The following ABCF2 variants were observed in gnomAD, a reference collection of about 807,000 sequenced individuals.
ABCF2 encodes ATP binding cassette subfamily F member 2.
A neutral mutation model predicts 76.9 loss-of-function variants in ABCF2; 37 were observed. The ratio of observed to expected loss-of-function variants is 0.48; its 90% CI spans 0.37 to 0.63. The LOEUF (loss-of-function observed/expected upper bound fraction) is 0.63. Among genes scored for constraint, ABCF2 ranks in the 30% least tolerant of loss-of-function variants. The probability of loss-of-function intolerance (pLI) is 0.00; values close to 1 mark genes in which losing one functional copy is unlikely to be tolerated. For synonymous variants in ABCF2, 299 were observed against 283.7 expected (o/e 1.05, Z -0.54); for missense variants, 524 against 782.1 (o/e 0.67, Z 3.94).
At position 151,223,776 on chromosome 7, in the gene ABCF2, G is replaced by A; in HGVS notation, c.624C>T (p.Ala208=). ...ELDADKAEMR[A]SRILHGLGFT... is the part of the protein sequence containing the mutation. ...AACCCAGTCCATGCAAGATCCGCGA[G>A]GCCCTCATCTCTGCCTTGTCGGCAT... The change falls in exon 5 of 15, where the codon GCC becomes GCT. Residue 208 remains alanine, a synonymous_variant. Coordinates refer to ENST00000287844, the MANE Select transcript of ABCF2 (RefSeq NM_007189.3). 1.2e-6 allele frequency: 2 copies of A among 1,613,966 alleles called. No individual in the cohort carries two copies. The highest frequency in any genetic ancestry group is 2.2e-5 in the East Asian group (1 of 44,868).
chr7:151,215,503 G>T lies in ABCF2; in HGVS notation c.1530+101C>A. Reference sequence around the variant, plus strand: ...AGTCAAATGGAGGAGACTCTGGTTTGGACAGCTTCCAAACCCAGGCTGCCA... The same window carrying T: ...AGTCAAATGGAGGAGACTCTGGTTTTGACAGCTTCCAAACCCAGGCTGCCA... On this transcript the variant is annotated intron_variant, in intron 13 of 14. Transcript: ENST00000287844. This position sits in a 1 kb window ranked among gnomAD's most constrained non-coding sequence, Gnocchi z 4.6. 2 of 1,458,974 alleles carry T rather than the reference G, an allele frequency of 1.4e-6. No individual in the cohort carries two copies. Among genetic ancestry groups the T allele is most frequent in the Non-Finnish European group, 1.9e-6 (2 of 1,065,368 alleles). 90.4% of individuals were successfully genotyped at this position (1,458,974 alleles called of 1,614,324 possible).
intron 7 of ABCF2, among the ~76,000 whole-genome samples, chr7:151,220,703 G>C (rs1043912874): frequency 5.3e-5 from 8 of 151,988 alleles, no homozygotes; most frequent in African/African-American, 1.9e-4. Flanking sequence ...GAAGGCAGAG[G>C]GAGGCCTCGT....
chr7:151,218,251 G>A, intron 10 of ABCF2, 60 bp from the exon 11 acceptor site: 1 of 1,206,272 alleles, frequency 8.3e-7, no homozygotes, highest in South Asian at 1.3e-5. Context: ...GCTATGACCA[G>A]CAGACCAAGC....
chr7:151,213,459 C>T lies in ABCF2; in HGVS notation c.*595G>A. The T allele has an allele frequency of 2.0e-6, 2 of 985,590 alleles. No homozygotes were observed. The highest frequency in any genetic ancestry group is 2.4e-6 in the Non-Finnish European group (2 of 830,090). 61.1% of individuals were successfully genotyped at this position (985,590 alleles called of 1,614,324 possible). ...TCCTGCTGTGGGCAGTGCATGTTGGCACTGCAGGGAGGAGAAGGCCCCAGA... is the reference window on the plus strand; with the variant it reads ...TCCTGCTGTGGGCAGTGCATGTTGGTACTGCAGGGAGGAGAAGGCCCCAGA... On this transcript the variant is annotated 3_prime_UTR_variant, in exon 15 of 15. Transcript: ENST00000287844.
intron 7 of ABCF2, 78 bp downstream of exon 7, chr7:151,221,500 C>CT (rs376711339): frequency 0.09 from 72,786 of 805,340 alleles, 4 homozygotes; most frequent in South Asian, 0.11. Flanking sequence ...CCACACCAGC[C>CT]TTTTTTTTTT....
At chr7:151,216,334 C>G (rs947606796) in intron 11 of ABCF2, among the ~76,000 whole-genome samples, 1 of 152,132 alleles carries the variant, frequency 6.6e-6, no homozygotes, top group Non-Finnish European at 1.5e-5. Flanking sequence ...AAATTAAAAA[C>G]AGTTAAGTCC....
Position 151,211,608 on chromosome 7 carries a change from T to A in ABCF2, c.*2446A>T, listed in dbSNP as rs1184098058. ...TCCTCCAGGTTCTGAAGATCTCCTG[T>A]CCTAGTATGGAGACTCTGGAGATCC... On this transcript the variant is annotated 3_prime_UTR_variant, in exon 15 of 15. Transcript: ENST00000287844. 1 of 984,932 alleles carries A rather than the reference T, an allele frequency of 1.0e-6. No homozygotes were observed. Among genetic ancestry groups the A allele is most frequent in the Non-Finnish European group, 1.2e-6 (1 of 829,600 alleles). 61.0% of individuals were successfully genotyped at this position (984,932 alleles called of 1,614,324 possible).
In ABCF2 at chr7:151,212,701, G is replaced by C. The variant is rs1802071935; in HGVS notation, c.*1353C>G. On this transcript the variant is annotated 3_prime_UTR_variant, in exon 15 of 15. Transcript: ENST00000287844. ...AGAAGGGGTCTCCCTACTTTGCCCA[G>C]GCTGGTCTTGAACTTCTAGGCTCAA... The C allele has an allele frequency of 5.8e-6, 1 of 172,028 alleles. No individual in the cohort carries two copies. Among genetic ancestry groups the C allele is most frequent in the Non-Finnish European group, 1.2e-5 (1 of 86,312 alleles). 10.7% of individuals were successfully genotyped at this position (172,028 alleles called of 1,614,324 possible). A position where few individuals can be genotyped will look rare whatever the true frequency, so the allele number is the denominator to read the frequency against.
At chr7:151,218,058 C>G in intron 11 of ABCF2, 23 bp downstream of exon 11, 2 of 1,544,052 alleles carry the variant, frequency 1.3e-6, no homozygotes, top group Middle Eastern at 1.7e-4. Flanking sequence ...TTAGAGGGAT[C>G]CACGCCCACC....
At chr7:151,217,984 G>C in intron 11 of ABCF2, 97 bp downstream of exon 11, 1 of 879,278 alleles carries the variant, frequency 1.1e-6, no homozygotes, top group Non-Finnish European at 1.8e-6. Flanking sequence ...AGGGTACTCA[G>C]GCCCTCCCAA....
intron 2 of ABCF2, 41 bp from the exon 3 acceptor site, chr7:151,225,029 G>C: frequency 6.3e-7 from 1 of 1,576,012 alleles, no homozygotes. Context: ...GCGTGAGACA[G>C]ACTCGGCTCT....
rs1251304908 is a variant in ABCF2 at position 151,211,771 on chromosome 7, C to T, written c.*2283G>A. The T allele has an allele frequency of 2.0e-6, 2 of 985,304 alleles. No individual in the cohort carries two copies. The highest frequency in any genetic ancestry group is 4.7e-5 in the South Asian group (1 of 21,288). The allele number at this position is 985,304 out of a possible 1,614,324, so 61.0% of individuals were successfully genotyped here. A position where few individuals can be genotyped will look rare whatever the true frequency, so the allele number is the denominator to read the frequency against. ...GAACCAAGGCTCTGGACTCTCAGGA[C>T]AGACTAACCTGGGCCATTTTGCTCC... On this transcript the variant is annotated 3_prime_UTR_variant, in exon 15 of 15. Coordinates refer to ENST00000287844, the MANE Select transcript of ABCF2 (RefSeq NM_007189.3).
chr7:151,223,508 A>G (rs73480504), intron 5 of ABCF2, among the ~76,000 whole-genome samples, 170 bp downstream of exon 5: 2,027 of 152,328 alleles, frequency 0.013, 51 homozygotes, highest in African/African-American at 0.046. Context: ...CACTTCAGCC[A>G]GGAAGCTCTC....
intron 5 of ABCF2, among the ~76,000 whole-genome samples, chr7:151,222,887 TGTGCACTGAAG>T (rs1260810757): frequency 7.2e-5 from 11 of 152,184 alleles, no homozygotes; most frequent in African/African-American, 2.2e-4. Flanking sequence ...TTATGAGCCT[TGTGCACTGAAG>T]TTGGAGACTA....
intron 7 of ABCF2, among the ~76,000 whole-genome samples, chr7:151,221,062 C>T (rs767374381): frequency 4.6e-5 from 7 of 152,254 alleles, no homozygotes; most frequent in Non-Finnish European, 8.8e-5. Context: ...GGCAAACATA[C>T]ACCTTGTGTG....
In ABCF2 at chr7:151,221,579, G is replaced by A. The variant is rs753104612; in HGVS notation, c.920C>T (p.Thr307Met). Reference sequence around the variant, plus strand: ...CAGAAGAAGCCGAGGCCCACTCACCGTATAATACTTCAGTTTCTTGTTGTG... The same window carrying A: ...CAGAAGAAGCCGAGGCCCACTCACCATATAATACTTCAGTTTCTTGTTGTG... ...HMHNKKLKYY[T>M]GNYDQYVKTR... is the part of the protein sequence containing the mutation. The change falls in exon 7 of 15, where the codon ACG (threonine) becomes ATG (methionine). Residue 307 changes from threonine (T) to methionine (M), a missense_variant and splice_region_variant. Physicochemically the swap from Thr to Met is moderately conservative, Grantham distance 81. This residue lies in a region of ABCF2 where 330 missense variants were observed against 433.6 expected (regional missense o/e 0.76). Coordinates refer to ENST00000287844, the MANE Select transcript of ABCF2 (RefSeq NM_007189.3). 7.7e-6 allele frequency: 12 copies of A among 1,568,232 alleles called. No individual in the cohort carries two copies. Among genetic ancestry groups the A allele is most frequent in the Non-Finnish European group, 1.1e-5 (12 of 1,139,830 alleles).
chr7:151,227,092 T>A (rs1194874222), intron 1 of ABCF2, 71 bp downstream of exon 1: 1 of 148,282 alleles, frequency 6.7e-6, no homozygotes, highest in Non-Finnish European at 1.5e-5. Flanking sequence ...CGTCCCTGCT[T>A]CCTCTTCTAA....
chr7:151,218,911 C>T (rs759497008), intron 8 of ABCF2, 38 bp from the exon 9 acceptor site: 39 of 1,611,044 alleles, frequency 2.4e-5, no homozygotes, highest in Non-Finnish European at 3.1e-5. Context: ...TATGTGCAGG[C>T]GCTCAACAAT....
At position 151,215,094 on chromosome 7, in the gene ABCF2, C is replaced by A. The variant is rs751357663; in HGVS notation, c.1531-12G>T. On this transcript the variant is annotated splice_polypyrimidine_tract_variant and intron_variant, in intron 13 of 14. Transcript: ENST00000287844. The surrounding 1 kb of genome is among the most constrained non-coding windows in gnomAD (Gnocchi z 4.6). ...CGGATTGGGCTCACCTGAGTAGAAC[C>A]GTGACCTACATATAACTTGGCATTA... is the stretch of plus-strand genomic sequence containing the variant. 6.2e-7 allele frequency: 1 copy of A among 1,607,998 alleles called. No individual in the cohort carries two copies. Among genetic ancestry groups the A allele is most frequent in the Middle Eastern group, 1.6e-4 (1 of 6,076 alleles).
Sources: gnomAD v4.1 joint callset for allele counts (sites outside exome capture counted in the v4.1 genomes callset) on GRCh38, gnomAD v4.1.1 for gene constraint, gnomAD v4.1.1 regional missense constraint, Gnocchi (gnomAD v3.1) non-coding constraint, MANE v1.5 for transcripts, NCBI Gene and HGNC (gene_info 2026-07-23, HGNC 2026-07-21) for gene names.